The following CACNA2D3 variants were observed in gnomAD, a reference collection of about 807,000 sequenced individuals.
CACNA2D3 encodes the protein calcium voltage-gated channel auxiliary subunit alpha2delta 3.
Under a neutral mutation model 160.6 loss-of-function variants are expected in CACNA2D3, and 60 were observed. That is an observed-to-expected ratio of 0.37 (90% CI 0.30 to 0.46). CACNA2D3 has a LOEUF of 0.46. Among genes scored for constraint, CACNA2D3 ranks in the 20% least tolerant of loss-of-function variants. CACNA2D3 has a pLI of 1.00. For synonymous variants in CACNA2D3, 558 were observed against 492.9 expected (o/e 1.13, Z -1.75); for missense variants, 1,205 against 1,365.0 (o/e 0.88, Z 1.85).
rs1000661495 is a variant in CACNA2D3, at chr3:54,597,342, C to T, written c.963+15465C>T. On this transcript the variant is annotated intron_variant, in intron 9 of 37. Transcript: ENST00000474759. Reference sequence around the variant, plus strand: ...TCCCTACCTCCCCTTCTCCATATCACCTTGCCCTGATTTTTGGGAGCCCTT... The same window carrying T: ...TCCCTACCTCCCCTTCTCCATATCATCTTGCCCTGATTTTTGGGAGCCCTT... Among the ~76,000 whole-genome samples the T allele has an allele frequency of 2.0e-5, 3 of 152,262 alleles. No individual in the cohort carries two copies. The East Asian group carries it at 5.8e-4, about 29-fold the overall frequency.
intron 2 of CACNA2D3, among the ~76,000 whole-genome samples, chr3:54,221,256 A>G (rs560517589): frequency 1.3e-5 from 2 of 152,290 alleles, no homozygotes; most frequent in East Asian, 1.9e-4. Context: ...AAAACGTTCA[A>G]ATGTTAGTGG....
chr3:54,747,073 A>G (rs1261587731), intron 11 of CACNA2D3, among the ~76,000 whole-genome samples: 1 of 152,138 alleles, frequency 6.6e-6, no homozygotes, highest in Non-Finnish European at 1.5e-5. Flanking sequence ...TTGTAGGAAT[A>G]GCTTTCCTGG....
At position 54,507,250 on chromosome 3, in the gene CACNA2D3, A is replaced by G. The variant is rs572261588; in HGVS notation, c.544+3596A>G. On this transcript the variant is annotated intron_variant, in intron 5 of 37. Coordinates refer to ENST00000474759, the MANE Select transcript of CACNA2D3 (RefSeq NM_018398.3). ...AGTGTATTTCACTGTTTTTATTCCTATTATCCCTGTCCCTCCTTTCCTGCT... is the reference window on the plus strand; with the variant it reads ...AGTGTATTTCACTGTTTTTATTCCTGTTATCCCTGTCCCTCCTTTCCTGCT... Among the ~76,000 whole-genome samples, 20 of 151,932 alleles carry G rather than the reference A, an allele frequency of 1.3e-4. No homozygotes were observed. In the South Asian group the frequency reaches 4.2e-3, roughly 32 times the overall value.
At chr3:54,464,289 C>T (rs1461312855) in intron 4 of CACNA2D3, among the ~76,000 whole-genome samples, 3 of 152,208 alleles carry the variant, frequency 2.0e-5, no homozygotes, top group African/African-American at 7.2e-5. Flanking sequence ...GGGAGAACCA[C>T]TGCTCTCTTC....
chr3:54,471,246 C>T (rs573778032), intron 4 of CACNA2D3, among the ~76,000 whole-genome samples: 27 of 152,292 alleles, frequency 1.8e-4, no homozygotes, highest in African/African-American at 5.5e-4. Flanking sequence ...GATTAAGAAA[C>T]TCACTCAAAA....
At chr3:54,869,198 A>G (rs556107753) in intron 17 of CACNA2D3, among the ~76,000 whole-genome samples, 2 of 152,350 alleles carry the variant, frequency 1.3e-5, no homozygotes, top group East Asian at 3.9e-4. Context: ...AGTGGTTGAA[A>G]TAACATGAGG....
chr3:54,664,488 C>T (rs554160536), intron 11 of CACNA2D3, among the ~76,000 whole-genome samples: 1 of 152,362 alleles, frequency 6.6e-6, no homozygotes, highest in South Asian at 2.1e-4. Context: ...CCACCTCCCC[C>T]TTTCAGCATC....
intron 17 of CACNA2D3, among the ~76,000 whole-genome samples, chr3:54,868,122 T>C (rs1202159893): frequency 6.6e-6 from 1 of 152,204 alleles, no homozygotes; most frequent in Non-Finnish European, 1.5e-5. Context: ...GATTTAGGCT[T>C]AGTACATTAG....
intron 5 of CACNA2D3, 101 bp downstream of exon 5, chr3:54,503,755 T>G: frequency 9.3e-7 from 1 of 1,080,836 alleles, no homozygotes; most frequent in Middle Eastern, 2.1e-4. Flanking sequence ...TGTTTCATTT[T>G]TTTTGAAAAG....
intron 25 of CACNA2D3, 140 bp from the exon 26 acceptor site, chr3:54,896,609 G>GC: frequency 1.1e-6 from 1 of 884,234 alleles, no homozygotes; most frequent in Non-Finnish European, 1.8e-6. Context: ...GTTAAGTGAG[G>GC]CCCCCTCTAT....
At chr3:55,060,115 C>T (rs144415695) in intron 35 of CACNA2D3, among the ~76,000 whole-genome samples, 32 of 152,196 alleles carry the variant, frequency 2.1e-4, no homozygotes, top group African/African-American at 7.0e-4. Flanking sequence ...CTGTCTCCTA[C>T]GCAGTATTTA....
At chr3:54,837,125 G>A (rs770855335) in intron 14 of CACNA2D3, 34 bp from the exon 15 acceptor site, 18 of 1,602,906 alleles carry the variant, frequency 1.1e-5, no homozygotes, top group South Asian at 7.7e-5. Context: ...TTTCCAGACC[G>A]TTCCCCGGTA....
chr3:54,211,112 A>G (rs1216755758), intron 2 of CACNA2D3, among the ~76,000 whole-genome samples: 1 of 152,170 alleles, frequency 6.6e-6, no homozygotes, highest in Admixed American at 6.5e-5. Context: ...ATATTAGTTT[A>G]TCCTTGTGGA....
chr3:54,802,810 C>A (rs182186777), intron 13 of CACNA2D3, among the ~76,000 whole-genome samples: 42 of 152,270 alleles, frequency 2.8e-4, no homozygotes, highest in Non-Finnish European at 5.1e-4. Flanking sequence ...GGCACCCCCC[C>A]AGTAGGGGCA....
intron 2 of CACNA2D3, among the ~76,000 whole-genome samples, chr3:54,240,658 C>T (rs1314906102): frequency 1.3e-5 from 2 of 152,168 alleles, no homozygotes; most frequent in African/African-American, 4.8e-5. Context: ...ATTTCAGGCT[C>T]TTAATTCTTC....
At chr3:54,434,058 T>C (rs2106779598) in intron 4 of CACNA2D3, among the ~76,000 whole-genome samples, 1 of 152,250 alleles carries the variant, frequency 6.6e-6, no homozygotes, top group Non-Finnish European at 1.5e-5. Context: ...GGGTGGTGTT[T>C]GCATGGCTGA....
chr3:54,467,455 C>G lies in CACNA2D3; in HGVS notation c.382-36037C>G, dbSNP rs538700725. On this transcript the variant is annotated intron_variant, in intron 4 of 37. Coordinates refer to ENST00000474759, the MANE Select transcript of CACNA2D3 (RefSeq NM_018398.3). ...ATATTGAGTCAGCAATGATGGGTCT[C>G]AAGTCTTAGCTTGATTGAGACTTGG... Among the ~76,000 whole-genome samples the G allele has an allele frequency of 4.6e-5, 7 of 152,300 alleles. No individual in the cohort carries two copies. In the South Asian group the frequency reaches 1.2e-3, roughly 27 times the overall value.
intron 2 of CACNA2D3, among the ~76,000 whole-genome samples, chr3:54,129,999 C>T (rs1401161179): frequency 6.6e-6 from 1 of 152,208 alleles, no homozygotes; most frequent in African/African-American, 2.4e-5. Context: ...GTCCAACAGG[C>T]ATGGATTTGT....
intron 9 of CACNA2D3, among the ~76,000 whole-genome samples, chr3:54,599,544 C>T (rs918101189): frequency 6.6e-6 from 1 of 152,118 alleles, no homozygotes; most frequent in Non-Finnish European, 1.5e-5. Flanking sequence ...CTTGAGCATA[C>T]ATGAGTTTCT....
Sources: gnomAD v4.1 joint callset for allele counts (sites outside exome capture counted in the v4.1 genomes callset) on GRCh38, gnomAD v4.1.1 for gene constraint, MANE v1.5 for transcripts, NCBI Gene and HGNC (gene_info 2026-07-23, HGNC 2026-07-21) for gene names.